LRCH1: variants seen among roughly 807,000 people sequenced by gnomAD.
LRCH1 encodes the protein leucine rich repeats and calponin homology domain containing 1, also known as leucine-rich repeat and calponin homology domain-containing protein 1.
LRCH1 carries 23 observed loss-of-function variants against 94.9 expected under a neutral mutation model. The ratio of observed to expected loss-of-function variants is 0.24; its 90% confidence interval spans 0.17 to 0.34. The LOEUF is 0.34. Among genes scored for constraint, LRCH1 ranks in the 10% least tolerant of loss-of-function variants. LRCH1 has a pLI of 1.00. For missense variants in LRCH1, 790 were observed against 945.9 expected (o/e 0.84, Z 2.16); for synonymous variants, 364 against 354.9 (o/e 1.03, Z -0.29).
intron 7 of LRCH1, among the ~76,000 whole-genome samples, chr13:46,689,714 G>GTTCT (rs1439970033): frequency 6.6e-6 from 1 of 151,920 alleles, no homozygotes; most frequent in Non-Finnish European, 1.5e-5. Flanking sequence ...CTTAGATTGT[G>GTTCT]TTCTGTTCTG....
At chr13:46,569,148 G>A (rs948162936) in intron 1 of LRCH1, among the ~76,000 whole-genome samples, 4 of 152,072 alleles carry the variant, frequency 2.6e-5, no homozygotes, top group Non-Finnish European at 4.4e-5. Flanking sequence ...TATTTAACAA[G>A]CGGCATTTTA....
At chr13:46,607,799 G>T (rs1045193537) in intron 1 of LRCH1, among the ~76,000 whole-genome samples, 1 of 151,162 alleles carries the variant, frequency 6.6e-6, no homozygotes, top group East Asian at 1.9e-4. Flanking sequence ...ACTTCCTGGC[G>T]AGTGAGGGGT....
At chr13:46,560,971 G>T (rs890839585) in intron 1 of LRCH1, among the ~76,000 whole-genome samples, 1 of 152,174 alleles carries the variant, frequency 6.6e-6, no homozygotes, top group Non-Finnish European at 1.5e-5. Context: ...TGTGAGAATT[G>T]GGGCTTCCCT....
chr13:46,634,932 G>A (rs1037173033), intron 1 of LRCH1, among the ~76,000 whole-genome samples: 1 of 152,140 alleles, frequency 6.6e-6, no homozygotes, highest in Non-Finnish European at 1.5e-5. Context: ...CATGCTTACT[G>A]GTAGTGACTT....
chr13:46,720,392 C>A (rs898173430), intron 16 of LRCH1, among the ~76,000 whole-genome samples: 2 of 152,058 alleles, frequency 1.3e-5, no homozygotes, highest in African/African-American at 4.8e-5. Context: ...GTCTCTCCAC[C>A]CGCCCCCCAA....
intron 18 of LRCH1, among the ~76,000 whole-genome samples, chr13:46,731,808 C>A (rs371317647): frequency 4.3e-4 from 65 of 152,286 alleles, no homozygotes; most frequent in African/African-American, 1.4e-3. Flanking sequence ...GCCATGCCCC[C>A]ACCTGCCCCC....
At chr13:46,680,329 G>A (rs1397846037) in intron 3 of LRCH1, among the ~76,000 whole-genome samples, 2 of 152,172 alleles carry the variant, frequency 1.3e-5, no homozygotes, top group East Asian at 3.9e-4. Context: ...GGCAGTGGGA[G>A]GATGGAATGA....
intron 17 of LRCH1, among the ~76,000 whole-genome samples, chr13:46,726,379 G>A (rs953008682): frequency 6.6e-6 from 1 of 152,178 alleles, no homozygotes; most frequent in African/African-American, 2.4e-5. Flanking sequence ...TCCAGACTTG[G>A]AGCCGAAGTC....
At chr13:46,597,359 G>T (rs1285677792) in intron 1 of LRCH1, among the ~76,000 whole-genome samples, 1 of 151,670 alleles carries the variant, frequency 6.6e-6, no homozygotes, top group African/African-American at 2.4e-5. Flanking sequence ...TGTCCAGTAG[G>T]ACTTTTTTTT....
At chr13:46,558,572 C>CAAAAAAAAAAAAAAAAAAAAGAA (rs2050093498) in intron 1 of LRCH1, among the ~76,000 whole-genome samples, 1 of 34,402 alleles carries the variant, frequency 2.9e-5, no homozygotes, top group Non-Finnish European at 5.9e-5. Context: ...CCTGTGTCTA[C>CAAAAAAAAAAAAAAAAAAAAGAA]AAAAAAAAAA....
chr13:46,657,692 ATT>A (rs55823488), intron 2 of LRCH1, among the ~76,000 whole-genome samples: 6 of 46,912 alleles, frequency 1.3e-4, no homozygotes, highest in Admixed American at 3.8e-4. Context: ...TGCCCAGCTA[ATT>A]TTTTTTTTTT....
chr13:46,741,903 C>A lies in LRCH1; in HGVS notation c.*55C>A. On this transcript the variant is annotated 3_prime_UTR_variant, in exon 20 of 20. Transcript: ENST00000389797. Reference sequence around the variant, plus strand: ...CTGTCGCCCTCAACCTTTGCAGGGTCCTTCCTACCTTTGAGCCTTTGCCTT... The same window carrying A: ...CTGTCGCCCTCAACCTTTGCAGGGTACTTCCTACCTTTGAGCCTTTGCCTT... The A allele has an allele frequency of 6.2e-7, 1 of 1,606,548 alleles. No individual in the cohort carries two copies. The highest frequency in any genetic ancestry group is 8.5e-7 in the Non-Finnish European group (1 of 1,175,624).
intron 1 of LRCH1, among the ~76,000 whole-genome samples, chr13:46,633,055 C>G (rs1594301446): frequency 6.6e-6 from 1 of 152,336 alleles, no homozygotes; most frequent in Middle Eastern, 3.4e-3. Context: ...AACATTCATG[C>G]TTCCACAGTG....
chr13:46,608,770 TGTA>T (rs770655579), intron 1 of LRCH1, among the ~76,000 whole-genome samples: 3 of 152,240 alleles, frequency 2.0e-5, no homozygotes, highest in South Asian at 2.1e-4. Flanking sequence ...TTTGGTATAA[TGTA>T]GTGGGTTTCT....
intron 3 of LRCH1, among the ~76,000 whole-genome samples, chr13:46,674,873 A>G (rs954464985): frequency 2.0e-5 from 3 of 152,196 alleles, no homozygotes; most frequent in African/African-American, 4.8e-5. Flanking sequence ...TCACCACAAT[A>G]CAGCACTGTC....
In LRCH1 at chr13:46,744,275, T is replaced by A; in HGVS notation, c.*2427T>A. ...AGTGGTTTATTGTGCTGACCAAATCTCCTCCTCACAAGAAAGACCGTTTTT... is the reference window on the plus strand; with the variant it reads ...AGTGGTTTATTGTGCTGACCAAATCACCTCCTCACAAGAAAGACCGTTTTT... On this transcript the variant is annotated 3_prime_UTR_variant, in exon 20 of 20. Transcript: ENST00000389797. 6 of 982,920 alleles carry A rather than the reference T, an allele frequency of 6.1e-6. No homozygotes were observed. The highest frequency in any genetic ancestry group is 7.2e-6 in the Non-Finnish European group (6 of 829,884). The allele number at this position is 982,920 out of a possible 1,614,324, so 60.9% of individuals were successfully genotyped here.
chr13:46,608,711 G>A (rs920784683), intron 1 of LRCH1, among the ~76,000 whole-genome samples: 6 of 152,114 alleles, frequency 3.9e-5, no homozygotes, highest in African/African-American at 7.2e-5. Flanking sequence ...ACTTTTGCTC[G>A]TCTCTTGCTA....
intron 1 of LRCH1, among the ~76,000 whole-genome samples, chr13:46,562,104 C>T (rs143371930): frequency 8.6e-4 from 131 of 152,296 alleles, no homozygotes; most frequent in Middle Eastern, 3.4e-3. Flanking sequence ...CTTTCCTACA[C>T]TTGGTCTCTG....
At position 46,741,967 on chromosome 13, in the gene LRCH1, G is replaced by A. The variant is rs1566262077; in HGVS notation, c.*119G>A. 13 of 1,542,176 alleles carry A rather than the reference G, an allele frequency of 8.4e-6. No homozygotes were observed. The highest frequency in any genetic ancestry group is 2.3e-5 in the East Asian group (1 of 44,258). On this transcript the variant is annotated 3_prime_UTR_variant, in exon 20 of 20. Coordinates refer to ENST00000389797, the MANE Select transcript of LRCH1 (RefSeq NM_001164211.2). The stretch of plus-strand genomic sequence containing the variant: ...CCTGTCATGTCTTCAGTTATCTCTC[G>A]AGTTTTGAAGCTGAACAGTAGCAAA...
Sources: gnomAD v4.1 joint callset for allele counts (sites outside exome capture counted in the v4.1 genomes callset) on GRCh38, gnomAD v4.1.1 for gene constraint, MANE v1.5 for transcripts, NCBI Gene and HGNC (gene_info 2026-07-23, HGNC 2026-07-21) for gene names.